IGF1R: variants seen among roughly 807,000 people sequenced by gnomAD.
IGF1R encodes the protein insulin like growth factor 1 receptor, also known as insulin-like growth factor 1 receptor.
A neutral mutation model predicts 144.6 loss-of-function variants in IGF1R; 44 were observed. The observed-to-expected ratio is 0.30, with a 90% CI of 0.24 to 0.39. The LOEUF is 0.39. Among genes scored for constraint, IGF1R ranks in the 10% least tolerant of loss-of-function variants. The probability of loss-of-function intolerance (pLI) is 1.00; values close to 1 mark genes in which losing one functional copy is unlikely to be tolerated. For synonymous variants in IGF1R, 795 were observed against 722.8 expected (o/e 1.10, Z -1.60); for missense variants, 1,355 against 1,833.7 (o/e 0.74, Z 4.77).
At chr15:98,904,455 C>G (rs1033276082) in intron 5 of IGF1R, among the ~76,000 whole-genome samples, 1 of 152,184 alleles carries the variant, frequency 6.6e-6, no homozygotes, top group Non-Finnish European at 1.5e-5. Context: ...TGTATGGTGC[C>G]TGGTTCCACC....
chr15:98,864,761 T>C (rs2012337945), intron 2 of IGF1R, among the ~76,000 whole-genome samples: 1 of 152,242 alleles, frequency 6.6e-6, no homozygotes, highest in African/African-American at 2.4e-5. Flanking sequence ...CTATGTGGTC[T>C]TTTCTATTAT....
chr15:98,882,784 A>T (rs149911656), intron 2 of IGF1R, among the ~76,000 whole-genome samples: 1 of 152,312 alleles, frequency 6.6e-6, no homozygotes, highest in African/African-American at 2.4e-5. Context: ...CAGACTCAAA[A>T]TGGAGTCTCA....
chr15:98,671,486 A>C (rs1430908448), intron 1 of IGF1R, among the ~76,000 whole-genome samples: 8 of 152,176 alleles, frequency 5.3e-5, no homozygotes, highest in Non-Finnish European at 7.3e-5. Flanking sequence ...TATAGGGGCA[A>C]GATTTGTGTG....
At chr15:98,842,028 T>A (rs2011183427) in intron 2 of IGF1R, among the ~76,000 whole-genome samples, 1 of 152,202 alleles carries the variant, frequency 6.6e-6, no homozygotes, top group Admixed American at 6.5e-5. Flanking sequence ...TTCTTTTGTG[T>A]TTTGCTTTTG....
chr15:98,712,672 G>A (rs1173383952), intron 2 of IGF1R, among the ~76,000 whole-genome samples: 2 of 151,228 alleles, frequency 1.3e-5, no homozygotes, highest in South Asian at 2.1e-4. Flanking sequence ...GCAGTGGTGC[G>A]ATCTTGGCTC....
intron 2 of IGF1R, among the ~76,000 whole-genome samples, chr15:98,876,500 G>A (rs2013068991): frequency 6.6e-6 from 1 of 152,116 alleles, no homozygotes; most frequent in South Asian, 2.1e-4. Flanking sequence ...TGGTATACTT[G>A]TATCAAGTGC....
chr15:98,878,259 CCT>C (rs1451815817), intron 2 of IGF1R, among the ~76,000 whole-genome samples: 1 of 152,200 alleles, frequency 6.6e-6, no homozygotes, highest in African/African-American at 2.4e-5. Context: ...CACAGGCCTG[CCT>C]TGTTAGGAAA....
chr15:98,805,841 A>G (rs1323053802), intron 2 of IGF1R, among the ~76,000 whole-genome samples: 3 of 152,164 alleles, frequency 2.0e-5, no homozygotes, highest in Non-Finnish European at 4.4e-5. Context: ...TGCCATACCA[A>G]CAACCAGTTG....
intron 2 of IGF1R, among the ~76,000 whole-genome samples, chr15:98,884,312 A>G (rs2013531371): frequency 6.6e-6 from 1 of 152,128 alleles, no homozygotes; most frequent in South Asian, 2.1e-4. Context: ...CATCCACACA[A>G]ACTGCACGCC....
At chr15:98,814,196 A>T (rs1043969921) in intron 2 of IGF1R, among the ~76,000 whole-genome samples, 1 of 152,164 alleles carries the variant, frequency 6.6e-6, no homozygotes, top group African/African-American at 2.4e-5. Flanking sequence ...CTGTTGCAAA[A>T]CCAAGATTCA....
At chr15:98,944,324 G>A (rs2016474076) in intron 19 of IGF1R, among the ~76,000 whole-genome samples, 1 of 152,246 alleles carries the variant, frequency 6.6e-6, no homozygotes, top group African/African-American at 2.4e-5. Flanking sequence ...GGGACCTAGA[G>A]TGTGTTCATT....
chr15:98,855,370 G>A (rs1348405004), intron 2 of IGF1R, among the ~76,000 whole-genome samples: 2 of 152,244 alleles, frequency 1.3e-5, no homozygotes, highest in African/African-American at 4.8e-5. Context: ...CCTTGAGGGA[G>A]TTATGAGGAT....
intron 2 of IGF1R, among the ~76,000 whole-genome samples, chr15:98,803,526 G>C (rs1341134426): frequency 9.6e-5 from 1 of 10,418 alleles, no homozygotes; most frequent in Admixed American, 1.2e-3. Context: ...TTATTTATGA[G>C]ATAGGGTCTT....
At chr15:98,773,459 A>C (rs905332463) in intron 2 of IGF1R, among the ~76,000 whole-genome samples, 8 of 152,202 alleles carry the variant, frequency 5.3e-5, no homozygotes, top group African/African-American at 1.7e-4. Flanking sequence ...GTTCTCAAGA[A>C]GTATGTGCAG....
intron 2 of IGF1R, among the ~76,000 whole-genome samples, chr15:98,791,297 TAAAA>T (rs982718688): frequency 2.0e-5 from 3 of 152,228 alleles, no homozygotes; most frequent in Non-Finnish European, 4.4e-5. Flanking sequence ...TTGAAAAACT[TAAAA>T]AAGCAACAAC....
chr15:98,728,163 T>G (rs2054410740), intron 2 of IGF1R, among the ~76,000 whole-genome samples: 1 of 152,152 alleles, frequency 6.6e-6, no homozygotes, highest in Admixed American at 6.5e-5. Flanking sequence ...TGCTCTGAGC[T>G]TTCCTGGATC....
At chr15:98,661,956 C>CTTTTTTTTTTTTTTTTTTTT (rs869208651) in intron 1 of IGF1R, among the ~76,000 whole-genome samples, 15 of 105,722 alleles carry the variant, frequency 1.4e-4, no homozygotes, top group African/African-American at 2.7e-4. Flanking sequence ...GAATAGGGCC[C>CTTTTTTTTTTTTTTTTTTTT]TTTTTTTTTT....
chr15:98,674,977 ATTTT>A (rs71149408), intron 1 of IGF1R, among the ~76,000 whole-genome samples: 4 of 98,908 alleles, frequency 4.0e-5, no homozygotes, highest in African/African-American at 1.7e-4. Flanking sequence ...GTATTTTACA[ATTTT>A]TTTTTTTTTT....
In IGF1R at chr15:98,648,765, CCCCTCCCGCGCGGGGGCAGCTCCACGG is replaced by C. The variant is rs1398308890; in HGVS notation, c.-815_-789del. The stretch of plus-strand genomic sequence containing the variant: ...CCCGGATCCCCCCGCGCCCTCCACG[CCCCTCCCGCGCGGGGGCAGCTCCACGG>C]CGCGCCTCGCCTCGGCTGTGACCTT... On this transcript the variant is annotated 5_prime_UTR_variant, in exon 1 of 21. Transcript: ENST00000650285. Among the ~76,000 whole-genome samples, 2 of 147,138 alleles carry C rather than the reference CCCCTCCCGCGCGGGGGCAGCTCCACGG, an allele frequency of 1.4e-5. No individual in the cohort carries two copies. The highest frequency in any genetic ancestry group is 3.0e-5 in the Non-Finnish European group (2 of 66,280).
Sources: gnomAD v4.1 joint callset for allele counts (sites outside exome capture counted in the v4.1 genomes callset) on GRCh38, gnomAD v4.1.1 for gene constraint, MANE v1.5 for transcripts, NCBI Gene and HGNC (gene_info 2026-07-23, HGNC 2026-07-21) for gene names.